The following DMRTC1 variants were observed in gnomAD, a reference collection of about 807,000 sequenced individuals.
DMRTC1 encodes doublesex- and mab-3-related transcription factor C1.
For missense variants in DMRTC1, 9 were observed against 34.6 expected (o/e 0.26, Z 1.86); for synonymous variants, 7 against 14.1 (o/e 0.50, Z 1.13).
chrX:72,887,346 T>C (rs1196539849), intron 1 of DMRTC1, among the ~76,000 whole-genome samples: 1 of 5,604 alleles, frequency 1.8e-4, no homozygotes, highest in Non-Finnish European at 3.7e-4. Flanking sequence ...TTCATCCATG[T>C]CCCCGCAAAG....
chrX:72,882,021 C>T (rs1407992915), intron 1 of DMRTC1, among the ~76,000 whole-genome samples: 3 of 111,868 alleles, frequency 2.7e-5, no homozygotes, highest in Non-Finnish European at 5.7e-5. Context: ...AATAAGTAGT[C>T]TGTCAGGATA....
intron 6 of DMRTC1, among the ~76,000 whole-genome samples, chrX:72,872,766 G>C (rs1176673280): frequency 1.1e-5 from 1 of 90,606 alleles, no homozygotes; most frequent in East Asian, 6.4e-4. Context: ...TCAAGCTCAG[G>C]GTCTCTGAAA....
chrX:72,913,148 G>A, intron 1 of DMRTC1: 4 of 551,532 alleles, frequency 7.3e-6, no homozygotes. Flanking sequence ...TCGCCACCAA[G>A]CCCATCCGCC....
chrX:72,913,490 G>A (rs1326955425), intron 1 of DMRTC1: 1 of 420,023 alleles, frequency 2.4e-6, no homozygotes, highest in African/African-American at 2.8e-5. Flanking sequence ...TGAAGGGAGA[G>A]AGCTAGCATC....
intron 1 of DMRTC1, among the ~76,000 whole-genome samples, chrX:72,879,842 C>CTTCT (rs1168729706): frequency 6.1e-5 from 4 of 66,096 alleles, no homozygotes; most frequent in Non-Finnish European, 1.1e-4. Flanking sequence ...CCCTTCCTTC[C>CTTCT]TTCCTTCCTT....
At chrX:72,879,832 CCCTTCCTTCCTTCCTT>C (rs782262044) in intron 1 of DMRTC1, among the ~76,000 whole-genome samples, 1 of 46,273 alleles carries the variant, frequency 2.2e-5, no homozygotes, top group Non-Finnish European at 3.9e-5. Flanking sequence ...CTCCCTCCCA[CCCTTCCTTCCTTCCTT>C]CCTTCCTTCC....
At chrX:72,913,105 C>A in intron 1 of DMRTC1, 1 of 486,276 alleles carries the variant, frequency 2.1e-6, no homozygotes, top group Non-Finnish European at 3.7e-6. Context: ...GGCGAGAGCT[C>A]CTTCGGAGCC....
At chrX:72,882,087 G>C (rs1232787940) in intron 1 of DMRTC1, among the ~76,000 whole-genome samples, 1 of 81,097 alleles carries the variant, frequency 1.2e-5, no homozygotes, top group Non-Finnish European at 2.3e-5. Flanking sequence ...CTTGGCCTTA[G>C]TATTCATTCA....
In DMRTC1 at chrX:72,913,301, G is replaced by T. The variant is rs1188752114; in HGVS notation, c.-95+30274C>A. The T allele has an allele frequency of 5.0e-4, 371 of 740,969 alleles. 44 individuals are homozygous for T. In the African/African-American group the frequency reaches 7.3e-3, roughly 15 times the overall value. 61.1% of individuals were successfully genotyped at this position (740,969 alleles called of 1,213,427 possible). A position where few individuals can be genotyped will look rare whatever the true frequency, so the allele number is the denominator to read the frequency against. On this transcript the variant is annotated intron_variant, in intron 1 of 6. Transcript: ENST00000615063. The stretch of plus-strand genomic sequence containing the variant: ...TGAGACCACCGGAGCCACAGACACA[G>T]GCGTGAACGGTGACCGAGCCCCCTC...
intron 1 of DMRTC1, among the ~76,000 whole-genome samples, chrX:72,918,303 G>C (rs1389939451): frequency 2.1e-5 from 1 of 47,324 alleles, no homozygotes; most frequent in African/African-American, 1.9e-4. Flanking sequence ...GTGGGAGCGG[G>C]AAAGAAAGCG....
chrX:72,902,954 A>G (rs1446396495), intron 1 of DMRTC1, among the ~76,000 whole-genome samples: 5 of 64,058 alleles, frequency 7.8e-5, no homozygotes, highest in African/African-American at 5.0e-4. Flanking sequence ...ACACATACAC[A>G]CACGCAGAAA....
At position 72,876,865 on chromosome X, in the gene DMRTC1, C is replaced by CTTTTTT. The variant is rs5902714; in HGVS notation, c.-94-1083_-94-1078dup. 6.1e-5 allele frequency among the ~76,000 whole-genome samples: 2 copies of CTTTTTT among 32,641 alleles called. 1 individual carries two copies. The highest frequency in any genetic ancestry group is 4.2e-4 in the African/African-American group (2 of 4,727). 28.3% of individuals were successfully genotyped at this position (32,641 alleles called of 115,157 possible). On this transcript the variant is annotated intron_variant, in intron 1 of 6. Coordinates refer to ENST00000615063, the MANE Select transcript of DMRTC1 (RefSeq NM_033053.3). ...CATCCCTTCATGCATCCCCCCCGGC[C>CTTTTTT]TTTTTTTTTTTTTTTTTTTTTGAGA... is the stretch of plus-strand genomic sequence containing the variant.
rs1207395644 is a variant in DMRTC1 at position 72,880,696 on chromosome X, CT to C, written c.-94-4909del. Among the ~76,000 whole-genome samples the C allele has an allele frequency of 6.6e-3, 22 of 3,350 alleles. 2 individuals are homozygous for C. Among genetic ancestry groups the C allele is most frequent in the African/African-American group, 0.011 (21 of 1,980 alleles). The allele number at this position is 3,350 out of a possible 115,157, so 2.9% of individuals were successfully genotyped here. A position where few individuals can be genotyped will look rare whatever the true frequency, so the allele number is the denominator to read the frequency against. ...TTTGCTTTTTCTCTTTTCTTTCTTT[CT>C]TTTTTTTTTTTTTTTTGACGGAGTT... On this transcript the variant is annotated intron_variant, in intron 1 of 6. Coordinates refer to ENST00000615063, the MANE Select transcript of DMRTC1 (RefSeq NM_033053.3).
At chrX:72,916,388 T>G (rs1372894938) in intron 1 of DMRTC1, among the ~76,000 whole-genome samples, 1 of 107,633 alleles carries the variant, frequency 9.3e-6, no homozygotes, top group African/African-American at 3.8e-5. Context: ...GAACTGTGAG[T>G]TACAGCCCAT....
intron 4 of DMRTC1, 105 bp downstream of exon 4, chrX:72,874,720 A>ACCTCCTCCTCCTCCT (rs1355244957): frequency 8.5e-6 from 1 of 117,676 alleles, no homozygotes; most frequent in Admixed American, 2.0e-4. Flanking sequence ...CCCCTCCACC[A>ACCTCCTCCTCCTCCT]CCTCCTCCTC....
chrX:72,872,377 C>T lies in DMRTC1; in HGVS notation c.*75G>A, dbSNP rs1338929606. 1 of 554,198 alleles carries T rather than the reference C, an allele frequency of 1.8e-6. No homozygotes were observed. Among genetic ancestry groups the T allele is most frequent in the Non-Finnish European group, 2.7e-6 (1 of 369,477 alleles). 45.7% of individuals were successfully genotyped at this position (554,198 alleles called of 1,213,427 possible). ...AAAAAAAGACGTTAAGCGTTTTGGA[C>T]GTTAACCATTTTGCACATTCAGAAA... On this transcript the variant is annotated 3_prime_UTR_variant, in exon 7 of 7. Coordinates refer to ENST00000615063, the MANE Select transcript of DMRTC1 (RefSeq NM_033053.3).
At chrX:72,887,350 C>T (rs868957919) in intron 1 of DMRTC1, among the ~76,000 whole-genome samples, 6 of 4,996 alleles carry the variant, frequency 1.2e-3, no homozygotes, top group South Asian at 7.9e-3. Flanking sequence ...TCCATGTCCC[C>T]GCAAAGGACA....
intron 1 of DMRTC1, among the ~76,000 whole-genome samples, chrX:72,879,147 G>GTTTTT (rs781972795): frequency 7.8e-5 from 1 of 12,800 alleles, no homozygotes; most frequent in African/African-American, 2.1e-4. Flanking sequence ...TTTTTTGTTT[G>GTTTTT]TTTTTTTTTT....
chrX:72,879,830 C>CA, intron 1 of DMRTC1, among the ~76,000 whole-genome samples: 1 of 47,631 alleles, frequency 2.1e-5, no homozygotes, highest in Non-Finnish European at 5.1e-5. Flanking sequence ...CCCTCCCTCC[C>CA]ACCCTTCCTT....
Sources: allele counts gnomAD v4.1 joint callset (sites outside exome capture counted in the v4.1 genomes callset), GRCh38; gene constraint gnomAD v4.1.1; transcripts MANE v1.5; gene names NCBI Gene and HGNC (gene_info 2026-07-23, HGNC 2026-07-21).